Variants in ATG4A observed in about 807,000 individuals in gnomAD.
The protein encoded by ATG4A is cysteine protease ATG4A.
ATG4A carries 22 observed loss-of-function variants against 38.4 expected under a neutral mutation model. That is an observed-to-expected ratio of 0.57 (90% CI 0.41 to 0.82). The LOEUF is 0.82. ATG4A is among the 40% of genes least tolerant of loss of function. The pLI is 0.00. For synonymous variants in ATG4A, 86 were observed against 100.7 expected, an observed-to-expected ratio of 0.85 and a Z score of 0.88; for missense variants, 220 against 290.0, an observed-to-expected ratio of 0.76 and a Z score of 1.75.
chrX:108,089,943 A>T (rs777720138), upstream of ATG4A, among the ~76,000 whole-genome samples: 1 of 112,633 alleles, frequency 8.9e-6, no homozygotes, highest in African/African-American at 3.2e-5. Flanking sequence ...GCCCCACAGA[A>T]TAGAAAATGG....
At chrX:108,116,577 G>T (rs1402712315) in intron 1 of ATG4A, among the ~76,000 whole-genome samples, 4 of 111,879 alleles carry the variant, frequency 3.6e-5, no homozygotes, top group Non-Finnish European at 7.5e-5. Flanking sequence ...AAAGAGCTAG[G>T]ATTTGCTTTC....
chrX:108,116,557 A>G (rs1490000818), intron 1 of ATG4A, among the ~76,000 whole-genome samples: 1 of 112,094 alleles, frequency 8.9e-6, no homozygotes, highest in Non-Finnish European at 1.9e-5. Context: ...TAATTTGATG[A>G]TGAATGTTCA....
chrX:108,144,443 T>C (rs776527734), intron 9 of ATG4A, among the ~76,000 whole-genome samples: 3 of 112,416 alleles, frequency 2.7e-5, no homozygotes, highest in African/African-American at 9.7e-5. Context: ...TGTTGGTCTC[T>C]GCTGCTGGCA....
Position 108,137,851 on chromosome X carries a change from A to G in ATG4A, c.595A>G (p.Arg199Gly). The G allele has an allele frequency of 8.4e-7, 1 of 1,188,848 alleles. No homozygotes were observed. Among genetic ancestry groups the G allele is most frequent in the South Asian group, 1.9e-5 (1 of 51,996 alleles). Residue 199 changes from arginine (R) to glycine (G), a missense_variant, in exon 8 of 13, where the codon AGG becomes GGG. Arg to Gly is a moderately radical substitution (Grantham distance 125). Transcript: ENST00000372232. The stretch of plus-strand genomic sequence containing the variant: ...CTTGAGTGCTGACACAGCTGGTGAC[A>G]GGCCTCCCGATTCTTTAACTGCTTC... The part of the protein sequence containing the change: ...LPLSADTAGD[R>G]PPDSLTASNQ...
chrX:108,127,424 T>TCAAAAGA (rs1197502648), intron 2 of ATG4A, among the ~76,000 whole-genome samples: 58 of 111,721 alleles, frequency 5.2e-4, no homozygotes, highest in African/African-American at 1.8e-3. Context: ...TCCAAGCACT[T>TCAAAAGA]TAAGTGTATT....
chrX:108,118,173 A>G (rs1018198380), intron 1 of ATG4A, among the ~76,000 whole-genome samples: 1 of 112,015 alleles, frequency 8.9e-6, no homozygotes, highest in Admixed American at 9.4e-5. Flanking sequence ...TGTCCCTTAT[A>G]AACAGTGGGT....
chrX:108,117,328 TAAC>T (rs894466822), intron 1 of ATG4A, among the ~76,000 whole-genome samples: 4 of 111,155 alleles, frequency 3.6e-5, no homozygotes, highest in African/African-American at 1.3e-4. Context: ...TGTCCACAAA[TAAC>T]AATAATCTAA....
chrX:108,128,803 T>A lies in ATG4A; in HGVS notation c.144T>A (p.Asp48Glu). The stretch of plus-strand genomic sequence containing the variant: ...CAGAAAAATCTAAGCTGTTGTCTGA[T>A]ATAAGTGCTCGTCTATGGTTTACAT... ...LKTEKSKLLSDISARLWFTYR... is the reference protein window; with the variant it reads ...LKTEKSKLLSEISARLWFTYR... Residue 48 changes from aspartate to glutamate, a missense_variant, in exon 3 of 13, where the codon GAT becomes GAA. Physicochemically the swap from Asp to Glu is conservative, Grantham distance 45. Transcript: ENST00000372232. 1 of 1,185,559 alleles carries A rather than the reference T, an allele frequency of 8.4e-7. No homozygotes were observed.
At chrX:108,122,077 C>A (rs1442329214) in intron 1 of ATG4A, among the ~76,000 whole-genome samples, 1 of 111,986 alleles carries the variant, frequency 8.9e-6, no homozygotes, top group Non-Finnish European at 1.9e-5. Flanking sequence ...CTTTTAATTT[C>A]ACTTTAGAGA....
chrX:108,144,390 C>T (rs2033375340), intron 9 of ATG4A, among the ~76,000 whole-genome samples: 1 of 112,635 alleles, frequency 8.9e-6, no homozygotes, highest in African/African-American at 3.2e-5. Flanking sequence ...CACCAGGTAG[C>T]TGGCTGATCA....
In ATG4A at chrX:108,134,201, G is replaced by C. The variant is rs765446781; in HGVS notation, c.394+43G>C. 10 of 1,144,823 alleles carry C rather than the reference G, an allele frequency of 8.7e-6. No individual in the cohort carries two copies. In the East Asian group the frequency reaches 2.4e-4, roughly 27 times the overall value. The allele number at this position is 1,144,823 out of a possible 1,213,427, so 94.3% of individuals were successfully genotyped here. A position where few individuals can be genotyped will look rare whatever the true frequency, so the allele number is the denominator to read the frequency against. ...TAGTTTAAAGGCAGTGCCTATTCCTGTTCCTTCTCTTCCCTTGCCTTATAT... is the reference window on the plus strand; with the variant it reads ...TAGTTTAAAGGCAGTGCCTATTCCTCTTCCTTCTCTTCCCTTGCCTTATAT... On this transcript the variant is annotated intron_variant, in intron 5 of 12. Coordinates refer to ENST00000372232, the MANE Select transcript of ATG4A (RefSeq NM_052936.5).
intron 9 of ATG4A, among the ~76,000 whole-genome samples, chrX:108,139,841 G>T (rs766415762): frequency 8.9e-6 from 1 of 111,774 alleles, no homozygotes; most frequent in East Asian, 2.8e-4. Flanking sequence ...TGTCTGGTGA[G>T]AGCCCACTTC....
chrX:108,134,091 A>G lies in ATG4A; in HGVS notation c.327A>G (p.Lys109=). ...WSWEKQKEQP[K]EYQRILQCFL... is the part of the protein sequence containing the mutation. ...GGGAGAAACAAAAAGAACAACCCAA[A>G]GAATACCAACGCATCCTACAGTGCT... Residue 109 remains lysine (K), a synonymous_variant, in exon 5 of 13, where the codon AAA becomes AAG. Coordinates refer to ENST00000372232, the MANE Select transcript of ATG4A (RefSeq NM_052936.5). 8.3e-7 allele frequency: 1 copy of G among 1,206,820 alleles called. No individual in the cohort carries two copies. The highest frequency in any genetic ancestry group is 1.1e-6 in the Non-Finnish European group (1 of 894,275).
Position 108,121,139 on chromosome X carries a change from G to T in ATG4A, c.11-4938G>T, listed in dbSNP as rs773724653. 1.9e-3 allele frequency among the ~76,000 whole-genome samples: 212 copies of T among 111,760 alleles called. 1 individual carries two copies. Among genetic ancestry groups the T allele is most frequent in the African/African-American group, 6.3e-3 (193 of 30,762 alleles). On this transcript the variant is annotated intron_variant, in intron 1 of 12. Coordinates refer to ENST00000372232, the MANE Select transcript of ATG4A (RefSeq NM_052936.5). Reference sequence around the variant, plus strand: ...GCAGGTCACAGGGTGGAAGACAAATGAAGATGGGGCAAGGCCTGTGCACAG... The same window carrying T: ...GCAGGTCACAGGGTGGAAGACAAATTAAGATGGGGCAAGGCCTGTGCACAG...
At chrX:108,124,640 T>C (rs1043006549) in intron 1 of ATG4A, among the ~76,000 whole-genome samples, 4 of 110,413 alleles carry the variant, frequency 3.6e-5, no homozygotes, top group Non-Finnish European at 7.6e-5. Context: ...TTAGTAGAGA[T>C]GGGGTTTCAC....
chrX:108,105,910 A>T (rs1161922821), intron 1 of ATG4A, among the ~76,000 whole-genome samples: 1 of 111,232 alleles, frequency 9.0e-6, no homozygotes, highest in Non-Finnish European at 1.9e-5. Context: ...ATAAGGTGAG[A>T]TTGCCCTTCC....
At chrX:108,125,199 A>G (rs2032767279) in intron 1 of ATG4A, among the ~76,000 whole-genome samples, 1 of 110,575 alleles carries the variant, frequency 9.0e-6, no homozygotes, top group Non-Finnish European at 1.9e-5. Context: ...TGGCACTGAA[A>G]GTTCCAAGCT....
At chrX:108,151,725 T>A in intron 10 of ATG4A, 77 bp from the exon 11 acceptor site, 1 of 1,029,469 alleles carries the variant, frequency 9.7e-7, no homozygotes, top group Non-Finnish European at 1.4e-6. Context: ...CTGGCCCACA[T>A]CCTAATTCTG....
chrX:108,094,431 C>T (rs1227788987), intron 1 of ATG4A, among the ~76,000 whole-genome samples: 2 of 110,496 alleles, frequency 1.8e-5, no homozygotes, highest in African/African-American at 3.3e-5. Context: ...TCAAGTTTCA[C>T]TAGTTTATCT....
Sources: allele counts gnomAD v4.1 joint callset (sites outside exome capture counted in the v4.1 genomes callset), GRCh38; gene constraint gnomAD v4.1.1; transcripts MANE v1.5; gene names NCBI Gene and HGNC (gene_info 2026-07-23, HGNC 2026-07-21).